WASF1: variants seen among roughly 807,000 people sequenced by gnomAD.
WASF1 encodes the protein WASP family member 1, also known as actin-binding protein WASF1.
Under a neutral mutation model 50.5 loss-of-function variants are expected in WASF1, and 7 were observed. That is an observed-to-expected ratio of 0.14 (90% CI 0.08 to 0.26). WASF1 has a LOEUF of 0.26. Among genes scored for constraint, WASF1 ranks in the 10% least tolerant of loss-of-function variants. The probability of loss-of-function intolerance (pLI) is 1.00; values close to 1 mark genes in which losing one functional copy is unlikely to be tolerated. For missense variants in WASF1, 470 were observed against 694.7 expected (o/e 0.68, Z 3.64); for synonymous variants, 205 against 244.0 (o/e 0.84, Z 1.49).
At chr6:110,177,126 T>A (rs1411361121) in intron 2 of WASF1, 1 of 152,012 alleles carries the variant, frequency 6.6e-6, no homozygotes, top group Non-Finnish European at 1.5e-5. Context: ...ACATGAGTAA[T>A]AAAGTAACTC....
At position 110,127,613 on chromosome 6, in the gene WASF1, C is replaced by T. The variant is rs1267218459; in HGVS notation, c.-12G>A. The T allele has an allele frequency of 1.3e-6, 2 of 1,522,158 alleles. No individual in the cohort carries two copies. Among genetic ancestry groups the T allele is most frequent in the Non-Finnish European group, 8.8e-7 (1 of 1,135,382 alleles). The allele number at this position is 1,522,158 out of a possible 1,614,324, so 94.3% of individuals were successfully genotyped here. A position where few individuals can be genotyped will look rare whatever the true frequency, so the allele number is the denominator to read the frequency against. ...TTCACTAGCGGCATCTTGAGATTAA[C>T]CTTTGTGCCAGTTCACCTGTAGGAA... On this transcript the variant is annotated 5_prime_UTR_variant, in exon 4 of 11. Coordinates refer to ENST00000392589, the MANE Select transcript of WASF1 (RefSeq NM_003931.3).
intron 3 of WASF1, among the ~76,000 whole-genome samples, chr6:110,128,868 G>A (rs899113399): frequency 2.0e-5 from 3 of 152,148 alleles, no homozygotes; most frequent in East Asian, 1.9e-4. Context: ...ATAGGAGCAC[G>A]AGGCCTATTG....
At chr6:110,131,678 T>C (rs897895115) in intron 3 of WASF1, among the ~76,000 whole-genome samples, 1 of 152,120 alleles carries the variant, frequency 6.6e-6, no homozygotes, top group African/African-American at 2.4e-5. Flanking sequence ...TAATTTTGTG[T>C]ATTTTTAGGA....
At chr6:110,173,023 A>G (rs2114626322) in intron 2 of WASF1, among the ~76,000 whole-genome samples, 2 of 152,274 alleles carry the variant, frequency 1.3e-5, no homozygotes, top group Middle Eastern at 6.8e-3. Context: ...TCTCTGGCAT[A>G]ACCTGTAGCA....
At chr6:110,124,416 A>AC (rs1774331271) in intron 4 of WASF1, among the ~76,000 whole-genome samples, 1 of 150,098 alleles carries the variant, frequency 6.7e-6, no homozygotes, top group Non-Finnish European at 1.5e-5. Context: ...ATTCACTCTT[A>AC]GAGTATCTGT....
chr6:110,125,862 G>A (rs1332825574), intron 4 of WASF1, among the ~76,000 whole-genome samples: 1 of 152,100 alleles, frequency 6.6e-6, no homozygotes, highest in African/African-American at 2.4e-5. Context: ...TGTGCCTGCT[G>A]ATAGATGTTG....
chr6:110,122,970 T>C (rs1018064056), intron 4 of WASF1, among the ~76,000 whole-genome samples: 2 of 152,232 alleles, frequency 1.3e-5, no homozygotes, highest in Middle Eastern at 3.4e-3. Flanking sequence ...AAAAAAGAGA[T>C]ACCCTGGGAA....
At chr6:110,155,170 T>C (rs1776005595) in intron 3 of WASF1, among the ~76,000 whole-genome samples, 1 of 152,088 alleles carries the variant, frequency 6.6e-6, no homozygotes. Flanking sequence ...ACTTAATCTA[T>C]AGTTCTCCCT....
intron 2 of WASF1, among the ~76,000 whole-genome samples, chr6:110,175,506 C>T (rs1315591593): frequency 6.6e-6 from 1 of 152,062 alleles, no homozygotes; most frequent in African/African-American, 2.4e-5. Flanking sequence ...TAAGCGGTAA[C>T]TTTAGGGAAA....
At chr6:110,118,347 C>CAA (rs56948481) in intron 4 of WASF1, among the ~76,000 whole-genome samples, 3 of 7,496 alleles carry the variant, frequency 4.0e-4, no homozygotes, top group East Asian at 4.7e-3. Context: ...AAACGGAAAG[C>CAA]AAAAAAAAAA....
chr6:110,104,447 A>G (rs1773229099), intron 8 of WASF1, among the ~76,000 whole-genome samples: 1 of 152,176 alleles, frequency 6.6e-6, no homozygotes. Context: ...CCAATCATTT[A>G]TATGTATATT....
Position 110,101,653 on chromosome 6 carries a change from C to T in WASF1, c.1457G>A (p.Arg486His), listed in dbSNP as rs1252257877. ...GATTACAGGTAGGGTTGATGGATGG[C>T]GCTTTGGCTCAGAAGCAGGTATAAC... is the stretch of plus-strand genomic sequence containing the variant. ...SQVIPASEPK[R>H]HPSTLPVISD... The change falls in exon 10 of 11, where the codon CGC (arginine) becomes CAC (histidine). Residue 486 changes from arginine (R) to histidine (H), a missense_variant. By Grantham distance (29) the Arg-to-His change is conservative. This residue lies in a region of WASF1 where 294 missense variants were observed against 343.5 expected (regional missense o/e 0.86). Transcript: ENST00000392589. 13 of 1,613,822 alleles carry T rather than the reference C, an allele frequency of 8.1e-6. No homozygotes were observed. The highest frequency in any genetic ancestry group is 2.7e-5 in the African/African-American group (2 of 74,886).
At chr6:110,124,268 CTCTCTCTATA>C (rs1436429497) in intron 4 of WASF1, among the ~76,000 whole-genome samples, 13 of 59,226 alleles carry the variant, frequency 2.2e-4, no homozygotes, top group African/African-American at 7.6e-4. Context: ...CTCTCTCTCT[CTCTCTCTATA>C]TATATATATA....
chr6:110,148,315 G>T (rs900250821), intron 3 of WASF1, among the ~76,000 whole-genome samples: 2 of 151,578 alleles, frequency 1.3e-5, no homozygotes. Context: ...AAGATAAAGG[G>T]GTGAGCAAAA....
intron 3 of WASF1, among the ~76,000 whole-genome samples, chr6:110,158,540 C>T (rs1360993582): frequency 7.6e-6 from 1 of 130,812 alleles, no homozygotes; most frequent in Non-Finnish European, 1.6e-5. Flanking sequence ...GAAGAGGATC[C>T]TATTCGGCCA....
chr6:110,150,952 A>C (rs1313818953), intron 3 of WASF1, among the ~76,000 whole-genome samples: 2 of 152,142 alleles, frequency 1.3e-5, no homozygotes, highest in African/African-American at 2.4e-5. Context: ...CAGGAGAATC[A>C]CTTGAACCCA....
intron 2 of WASF1, among the ~76,000 whole-genome samples, 161 bp from the exon 3 acceptor site, chr6:110,160,893 G>A (rs1776235052): frequency 6.6e-6 from 1 of 151,476 alleles, no homozygotes; most frequent in Admixed American, 6.6e-5. Context: ...AATAGGAAAT[G>A]AGAGGATCAA....
At chr6:110,131,531 G>A (rs2114525719) in intron 3 of WASF1, among the ~76,000 whole-genome samples, 1 of 152,250 alleles carries the variant, frequency 6.6e-6, no homozygotes, top group African/African-American at 2.4e-5. Context: ...AGGCTTTATA[G>A]TAAGTTCGCT....
At chr6:110,107,987 C>T (rs1379532546) in intron 6 of WASF1, among the ~76,000 whole-genome samples, 1 of 151,640 alleles carries the variant, frequency 6.6e-6, no homozygotes, top group Admixed American at 6.6e-5. Context: ...TACAGTGAAA[C>T]CCCATCTCTA....
Sources: allele counts gnomAD v4.1 joint callset (sites outside exome capture counted in the v4.1 genomes callset), GRCh38; gene constraint gnomAD v4.1.1; regional missense constraint gnomAD v4.1.1; transcripts MANE v1.5; gene names NCBI Gene and HGNC (gene_info 2026-07-23, HGNC 2026-07-21).